FRMD4B: variants seen among roughly 807,000 people sequenced by gnomAD.
The protein encoded by FRMD4B is FERM domain containing 4B, also known as FERM domain-containing protein 4B.
In FRMD4B, 74 loss-of-function variants were observed where a neutral mutation model predicts 141.5. That is an observed-to-expected ratio of 0.52 (90% confidence interval 0.43 to 0.63). The LOEUF is 0.63. Among genes scored for constraint, FRMD4B ranks in the 30% least tolerant of loss-of-function variants. The pLI is 0.00. For missense variants in FRMD4B, 1,366 were observed against 1,253.4 expected, an observed-to-expected ratio of 1.09 and a Z score of -1.36; for synonymous variants, 506 against 467.9, an observed-to-expected ratio of 1.08 and a Z score of -1.05.
In FRMD4B at chr3:69,181,383, C is replaced by G; in HGVS notation, c.2367G>C (p.Arg789Ser). 1 of 1,613,612 alleles carries G rather than the reference C, an allele frequency of 6.2e-7. No homozygotes were observed. Among genetic ancestry groups the G allele is most frequent in the Non-Finnish European group, 8.5e-7 (1 of 1,179,540 alleles). ...CCTGACTCTTTGAGTAAACACCATT[C>G]CTCAAACTATCCTTTTGTGCTAGGT... ...MPNLAQKDSL[R>S]NGVYSKSQEP... The change falls in exon 21 of 23, where the codon AGG becomes AGC. Residue 789 changes from arginine (R) to serine (S), a missense_variant. By Grantham distance (110) the Arg-to-Ser change is moderately radical. Transcript: ENST00000398540.
intron 5 of FRMD4B, among the ~76,000 whole-genome samples, chr3:69,262,993 T>C (rs2093537771): frequency 6.6e-6 from 1 of 151,670 alleles, no homozygotes. Flanking sequence ...GCACGGTGGC[T>C]CACGCCTGTC....
chr3:69,489,234 T>C (rs1220002814), intron 1 of FRMD4B, among the ~76,000 whole-genome samples: 1 of 151,070 alleles, frequency 6.6e-6, no homozygotes, highest in Non-Finnish European at 1.5e-5. Flanking sequence ...ATGATAGACA[T>C]TTCTCCAAAG....
chr3:69,439,713 G>A (rs142121084), intron 1 of FRMD4B, among the ~76,000 whole-genome samples: 1 of 152,194 alleles, frequency 6.6e-6, no homozygotes, highest in Non-Finnish European at 1.5e-5. Context: ...ACAGCTCAGA[G>A]TGCCTGTTTA....
intron 1 of FRMD4B, among the ~76,000 whole-genome samples, chr3:69,502,314 A>C (rs1423622772): frequency 6.6e-6 from 1 of 152,180 alleles, no homozygotes; most frequent in African/African-American, 2.4e-5. Flanking sequence ...AAACAGCATA[A>C]TAGTGGTACC....
chr3:69,233,588 A>AATGGTATGTGG (rs1308385966), intron 7 of FRMD4B, among the ~76,000 whole-genome samples: 2 of 152,158 alleles, frequency 1.3e-5, no homozygotes, highest in South Asian at 2.1e-4. Flanking sequence ...TGGATGTAAA[A>AATGGTATGTGG]ATGCCATAGT....
intron 3 of FRMD4B, among the ~76,000 whole-genome samples, chr3:69,304,435 G>A (rs1345315188): frequency 1.3e-5 from 2 of 148,922 alleles, no homozygotes; most frequent in Non-Finnish European, 3.0e-5. Flanking sequence ...AGTGAGCCGA[G>A]GTCATGCCAC....
At chr3:69,397,038 T>TCA (rs1233016231) in intron 2 of FRMD4B, among the ~76,000 whole-genome samples, 1 of 152,162 alleles carries the variant, frequency 6.6e-6, no homozygotes, top group Non-Finnish European at 1.5e-5. Context: ...AAACGTATGT[T>TCA]CACACACACA....
intron 2 of FRMD4B, among the ~76,000 whole-genome samples, chr3:69,410,753 A>C (rs1200522394): frequency 6.5e-5 from 2 of 30,866 alleles, no homozygotes; most frequent in African/African-American, 2.2e-4. Flanking sequence ...ATATATATAT[A>C]TATATATATA....
chr3:69,439,663 A>T (rs781230842), intron 1 of FRMD4B, among the ~76,000 whole-genome samples: 2 of 152,172 alleles, frequency 1.3e-5, no homozygotes, highest in Non-Finnish European at 2.9e-5. Context: ...TAGAAGTCTA[A>T]CTAGGGAATG....
At chr3:69,416,761 C>G (rs1371180471) in intron 2 of FRMD4B, among the ~76,000 whole-genome samples, 2 of 152,160 alleles carry the variant, frequency 1.3e-5, no homozygotes, top group African/African-American at 4.8e-5. Context: ...TCCAGGTGTT[C>G]TCATTGTTCA....
At chr3:69,499,740 T>C (rs1349000538) in intron 1 of FRMD4B, among the ~76,000 whole-genome samples, 3 of 152,128 alleles carry the variant, frequency 2.0e-5, no homozygotes, top group African/African-American at 7.2e-5. Flanking sequence ...TGCATTTGAA[T>C]TCAGACTCAT....
At chr3:69,345,647 G>A (rs555875659) in intron 1 of FRMD4B, among the ~76,000 whole-genome samples, 6 of 152,266 alleles carry the variant, frequency 3.9e-5, no homozygotes, top group East Asian at 1.9e-4. Context: ...CCAAAGAAAC[G>A]ATCAGGCAGC....
intron 11 of FRMD4B, among the ~76,000 whole-genome samples, chr3:69,206,261 A>G (rs1476467396): frequency 6.6e-6 from 1 of 152,150 alleles, no homozygotes; most frequent in Admixed American, 6.5e-5. Context: ...GAGGCAGGAA[A>G]ATTGCTTGAA....
rs2092912289 is a variant in FRMD4B at position 69,196,902 on chromosome 3, T to C, written c.1090A>G (p.Lys364Glu). 1 of 1,609,400 alleles carries C rather than the reference T, an allele frequency of 6.2e-7. No homozygotes were observed. The highest frequency in any genetic ancestry group is 1.7e-5 in the Admixed American group (1 of 59,778). Residue 364 changes from lysine to glutamate, a missense_variant and splice_region_variant, in exon 13 of 23, where the codon AAA (lysine) becomes GAA (glutamate). Physicochemically the swap from Lys to Glu is moderately conservative, Grantham distance 56 (BLOSUM62 1). Transcript: ENST00000398540. Reference sequence around the variant, plus strand: ...TAGAAATGATGCCAGTTACTTACTTTGCTTTGCTTCCGGTCCAAGTAAAAC... The same window carrying C: ...TAGAAATGATGCCAGTTACTTACTTCGCTTTGCTTCCGGTCCAAGTAAAAC... ...HQFYLDRKQS[K>E]AKIPSARSLD...
chr3:69,527,775 G>T (rs1030704980), intron 1 of FRMD4B, among the ~76,000 whole-genome samples: 1 of 152,120 alleles, frequency 6.6e-6, no homozygotes, highest in Non-Finnish European at 1.5e-5. Flanking sequence ...AAACAGAAAT[G>T]GTTGGTCACC....
chr3:69,270,569 C>CTTTTTTTTTTTTTTTTT (rs57693333), intron 5 of FRMD4B, among the ~76,000 whole-genome samples: 1 of 144,802 alleles, frequency 6.9e-6, no homozygotes, highest in Non-Finnish European at 1.5e-5. Context: ...TTCTTTTTTT[C>CTTTTTTTTTTTTTTTTT]TTTTTTTTTT....
At chr3:69,437,357 C>T (rs1287865951) in intron 1 of FRMD4B, among the ~76,000 whole-genome samples, 1 of 151,566 alleles carries the variant, frequency 6.6e-6, no homozygotes, top group Non-Finnish European at 1.5e-5. Flanking sequence ...CAGGCATGAG[C>T]CACTGTGCCT....
intron 7 of FRMD4B, among the ~76,000 whole-genome samples, chr3:69,231,528 T>C (rs2093305694): frequency 2.0e-5 from 3 of 152,258 alleles, no homozygotes; most frequent in African/African-American, 7.2e-5. Flanking sequence ...CCTCAGGTGA[T>C]CTGCCCGCCT....
chr3:69,416,289 A>G (rs1043465654), intron 2 of FRMD4B, among the ~76,000 whole-genome samples: 1 of 152,188 alleles, frequency 6.6e-6, no homozygotes, highest in South Asian at 2.1e-4. Flanking sequence ...ATTTTTTTGT[A>G]GAGACAGGGT....
Sources: gnomAD v4.1 joint callset for allele counts (sites outside exome capture counted in the v4.1 genomes callset) on GRCh38, gnomAD v4.1.1 for gene constraint, MANE v1.5 for transcripts, NCBI Gene and HGNC (gene_info 2026-07-23, HGNC 2026-07-21) for gene names.